The following OPRL1 variants were observed in gnomAD, a reference collection of about 807,000 sequenced individuals.
OPRL1 encodes opioid related nociceptin receptor 1, also known as nociceptin receptor.
Under a neutral mutation model 15.5 loss-of-function variants are expected in OPRL1, and 5 were observed. The observed-to-expected ratio is 0.32, with a 90% CI of 0.17 to 0.68. The LOEUF (loss-of-function observed/expected upper bound fraction) is 0.68, where lower values mean the gene tolerates loss of function less well. Ranked by LOEUF, OPRL1 falls within the 30% of genes least tolerant of loss-of-function variation. OPRL1 has a pLI of 0.72. For missense variants in OPRL1, 406 were observed against 515.3 expected, an observed-to-expected ratio of 0.79 and a Z score of 2.05; for synonymous variants, 223 against 230.2, an observed-to-expected ratio of 0.97 and a Z score of 0.28.
chr20:64,098,236 G>T (rs1031558893), intron 4 of OPRL1, 40 bp from the exon 5 acceptor site: 1 of 1,603,182 alleles, frequency 6.2e-7, no homozygotes, highest in Non-Finnish European at 8.5e-7. Flanking sequence ...TGCCCTCCAC[G>T]TCTCCTGGGC....
At position 64,083,983 on chromosome 20, in the gene OPRL1, GA is replaced by G. The variant is rs1451879422; in HGVS notation, c.-185+3633del. 1 of 1,477,630 alleles carries G rather than the reference GA, an allele frequency of 6.8e-7. No individual in the cohort carries two copies. The highest frequency in any genetic ancestry group is 8.9e-7 in the Non-Finnish European group (1 of 1,122,272). 91.5% of individuals were successfully genotyped at this position (1,477,630 alleles called of 1,614,324 possible). A position where few individuals can be genotyped will look rare whatever the true frequency, so the allele number is the denominator to read the frequency against. On this transcript the variant is annotated intron_variant, in intron 1 of 4. Transcript: ENST00000336866. This position sits in a 1 kb window ranked among gnomAD's most constrained non-coding sequence, Gnocchi z 4.9. Reference sequence around the variant, plus strand: ...ACCCCGGTTCCACCGACCCGCACGGGAAGGTGGAGGCCGCCGCGCCCACGTC... The same window carrying G: ...ACCCCGGTTCCACCGACCCGCACGGGAGGTGGAGGCCGCCGCGCCCACGTC...
Position 64,098,523 on chromosome 20 carries a change from C to G in OPRL1, c.837C>G (p.Val279=), listed in dbSNP as rs1601659223. The G allele has an allele frequency of 6.2e-7, 1 of 1,612,870 alleles. No homozygotes were observed. The highest frequency in any genetic ancestry group is 2.2e-5 in the East Asian group (1 of 44,872). The part of the protein sequence containing the change: ...VAVFVGCWTP[V]QVFVLAQGLG... ...TGTTCGTGGGCTGCTGGACGCCTGT[C>G]CAGGTCTTCGTGCTGGCCCAAGGGC... is the stretch of plus-strand genomic sequence containing the variant. The change falls in exon 5 of 5, where the codon GTC becomes GTG. Residue 279 remains valine, a synonymous_variant. Coordinates refer to ENST00000336866, the MANE Select transcript of OPRL1 (RefSeq NM_182647.4).
At chr20:64,096,018 C>T (rs1979071466) in intron 3 of OPRL1, among the ~76,000 whole-genome samples, 1 of 152,108 alleles carries the variant, frequency 6.6e-6, no homozygotes, top group Admixed American at 6.5e-5. Flanking sequence ...ACTGCTGACT[C>T]CTAAGGGAGG....
chr20:64,083,808 C>T lies in OPRL1; in HGVS notation c.-185+3456C>T, dbSNP rs1408114481. ...TGCGCCCCCTCTGCCCTCCGACCCC[C>T]TCGCCTCACCCGCATGCGGGTGTAG... On this transcript the variant is annotated intron_variant, in intron 1 of 4. Transcript: ENST00000336866. This position sits in a 1 kb window ranked among gnomAD's most constrained non-coding sequence, Gnocchi z 4.9. 6.7e-6 allele frequency: 9 copies of T among 1,350,178 alleles called. No individual in the cohort carries two copies. The South Asian group carries it at 7.2e-5, about 11-fold the overall frequency. 83.6% of individuals were successfully genotyped at this position (1,350,178 alleles called of 1,614,324 possible).
In OPRL1 at chr20:64,099,041, C is replaced by T; in HGVS notation, c.*242C>T. ...TGGCCCCAGACAGACTAAAGCTGCC[C>T]TCCTGGTGCAGGGCCGAGGGGACAC... On this transcript the variant is annotated 3_prime_UTR_variant, in exon 5 of 5. Coordinates refer to ENST00000336866, the MANE Select transcript of OPRL1 (RefSeq NM_182647.4). 1 of 553,326 alleles carries T rather than the reference C, an allele frequency of 1.8e-6. No homozygotes were observed. Among genetic ancestry groups the T allele is most frequent in the Non-Finnish European group, 3.1e-6 (1 of 324,146 alleles). 34.3% of individuals were successfully genotyped at this position (553,326 alleles called of 1,614,324 possible).
chr20:64,098,577 C>T lies in OPRL1; in HGVS notation c.891C>T (p.Ala297=), dbSNP rs764583670. The T allele has an allele frequency of 9.5e-5, 153 of 1,612,656 alleles. No homozygotes were observed. The highest frequency in any genetic ancestry group is 1.2e-4 in the Non-Finnish European group (142 of 1,179,984). The change falls in exon 5 of 5, where the codon GCC becomes GCT. Residue 297 remains alanine (A), a synonymous_variant. Transcript: ENST00000336866. ...GLGVQPSSET[A]VAILRFCTAL... is the part of the protein sequence containing the mutation. The stretch of plus-strand genomic sequence containing the variant: ...GGGTTCAGCCGAGCAGCGAGACTGC[C>T]GTGGCCATTCTGCGCTTCTGCACGG...
rs753365908 is a variant in OPRL1, at chr20:64,098,417, G to C, written c.731G>C (p.Gly244Ala). The C allele has an allele frequency of 4.9e-5, 79 of 1,613,476 alleles. No homozygotes were observed. Among genetic ancestry groups the C allele is most frequent in the Non-Finnish European group, 6.5e-5 (77 of 1,180,022 alleles). The change falls in exon 5 of 5, where the codon GGA becomes GCA. Residue 244 changes from glycine to alanine, a missense_variant. Transcript: ENST00000336866. ...AGCCTCATGATCCGGCGGCTCCGTGGAGTCCGCCTGCTCTCGGGCTCCCGA... is the reference window on the plus strand; with the variant it reads ...AGCCTCATGATCCGGCGGCTCCGTGCAGTCCGCCTGCTCTCGGGCTCCCGA... ...CYSLMIRRLR[G>A]VRLLSGSREK... is the part of the protein sequence containing the mutation.
intron 1 of OPRL1, chr20:64,084,114 C>A: frequency 6.8e-7 from 1 of 1,471,578 alleles, no homozygotes; most frequent in Non-Finnish European, 8.9e-7. Context: ...GGCTCTGTCG[C>A]GGGCGCCCCC....
At chr20:64,092,584 G>T in intron 2 of OPRL1, 104 bp from the exon 3 acceptor site, 1 of 797,820 alleles carries the variant, frequency 1.3e-6, no homozygotes, top group South Asian at 1.8e-5. Context: ...TGGCTGCCCA[G>T]CGTGGGGGTC....
intron 1 of OPRL1, among the ~76,000 whole-genome samples, chr20:64,081,147 GGAGGTCA>G (rs749829799): frequency 1.3e-4 from 20 of 152,056 alleles, no homozygotes; most frequent in Non-Finnish European, 1.9e-4. Context: ...GCCCGAAGGG[GGAGGTCA>G]GAGGTCAGAG....
Position 64,083,878 on chromosome 20 carries a change from G to C in OPRL1, c.-185+3526G>C, listed in dbSNP as rs958755749. ...CTCGCCCGCGGGCCTCCGCTGCCTT[G>C]AGGACGCCGAGGAGCCGGTTCTGGC... On this transcript the variant is annotated intron_variant, in intron 1 of 4. Coordinates refer to ENST00000336866, the MANE Select transcript of OPRL1 (RefSeq NM_182647.4). The surrounding 1 kb of genome is among the most constrained non-coding windows in gnomAD (Gnocchi z 4.9). 3.5e-6 allele frequency: 5 copies of C among 1,436,630 alleles called. No individual in the cohort carries two copies. The highest frequency in any genetic ancestry group is 3.6e-6 in the Non-Finnish European group (4 of 1,102,098). The allele number at this position is 1,436,630 out of a possible 1,614,324, so 89.0% of individuals were successfully genotyped here.
In OPRL1 at chr20:64,099,938, G is replaced by C. The variant is rs899796637; in HGVS notation, c.*1139G>C. 1.3e-5 allele frequency: 2 copies of C among 152,240 alleles called. No individual in the cohort carries two copies. The highest frequency in any genetic ancestry group is 4.8e-5 in the African/African-American group (2 of 41,442). The allele number at this position is 152,240 out of a possible 1,614,324, so 9.4% of individuals were successfully genotyped here. A position where few individuals can be genotyped will look rare whatever the true frequency, so the allele number is the denominator to read the frequency against. On this transcript the variant is annotated 3_prime_UTR_variant, in exon 5 of 5. Transcript: ENST00000336866. ...GGTGGCCACAGCAGAGTCCTGCTCTGGGGACGCCTGCTTCATTTACAAGCC... is the reference window on the plus strand; with the variant it reads ...GGTGGCCACAGCAGAGTCCTGCTCTCGGGACGCCTGCTTCATTTACAAGCC...
intron 1 of OPRL1, among the ~76,000 whole-genome samples, chr20:64,082,521 C>T (rs930914437): frequency 1.3e-5 from 2 of 152,204 alleles, no homozygotes; most frequent in African/African-American, 4.8e-5. Flanking sequence ...CTCTGCCCCT[C>T]CTTCCAGTCA....
At chr20:64,082,224 T>A (rs950973049) in intron 1 of OPRL1, among the ~76,000 whole-genome samples, 6 of 152,140 alleles carry the variant, frequency 3.9e-5, no homozygotes, top group Non-Finnish European at 8.8e-5. Context: ...TGTCTGCCCC[T>A]GCTCAAGCCC....
chr20:64,081,854 T>G (rs2059971530), intron 1 of OPRL1, among the ~76,000 whole-genome samples: 1 of 152,220 alleles, frequency 6.6e-6, no homozygotes, highest in Non-Finnish European at 1.5e-5. Flanking sequence ...GTCACTGTCT[T>G]GCTGGCCTTC....
intron 1 of OPRL1, among the ~76,000 whole-genome samples, chr20:64,087,772 G>A (rs1206803071): frequency 6.6e-6 from 1 of 152,242 alleles, no homozygotes; most frequent in Non-Finnish European, 1.5e-5. Context: ...GCTATCTCTT[G>A]TGTAACATAT....
chr20:64,092,961 G>A lies in OPRL1; in HGVS notation c.233+8G>A. 2 of 1,610,562 alleles carry A rather than the reference G, an allele frequency of 1.2e-6. No individual in the cohort carries two copies. On this transcript the variant is annotated splice_region_variant and intron_variant, in intron 3 of 4. Transcript: ENST00000336866. ...CATGTACGTCATCCTCAGGTAGGCT[G>A]GGCCCCAAGGTTCCTGTCTGGTGAG... is the stretch of plus-strand genomic sequence containing the variant.
intron 1 of OPRL1, among the ~76,000 whole-genome samples, chr20:64,087,006 T>C (rs1202167889): frequency 1.3e-5 from 2 of 152,208 alleles, no homozygotes; most frequent in African/African-American, 4.8e-5. Flanking sequence ...TGTATTTGCC[T>C]GCTGAGTGGG....
In OPRL1 at chr20:64,089,653, A is replaced by G. The variant is rs2060100814; in HGVS notation, c.-184-2313A>G. Among the ~76,000 whole-genome samples, 1 of 152,138 alleles carries G rather than the reference A, an allele frequency of 6.6e-6. No individual in the cohort carries two copies. The highest frequency in any genetic ancestry group is 1.5e-5 in the Non-Finnish European group (1 of 68,022). The stretch of plus-strand genomic sequence containing the variant: ...GGAAGCTGTGGGGTGACCCAGGTGG[A>G]AGACAGACATGCGAAGGGAGAGGTG... On this transcript the variant is annotated intron_variant, in intron 1 of 4. Transcript: ENST00000336866. This position sits in a 1 kb window ranked among gnomAD's most constrained non-coding sequence, Gnocchi z 5.5.
Sources: gnomAD v4.1 joint callset for allele counts (sites outside exome capture counted in the v4.1 genomes callset) on GRCh38, gnomAD v4.1.1 for gene constraint, Gnocchi (gnomAD v3.1) non-coding constraint, MANE v1.5 for transcripts, NCBI Gene and HGNC (gene_info 2026-07-23, HGNC 2026-07-21) for gene names.